EWSR1: variants seen among roughly 807,000 people sequenced by gnomAD.
The protein encoded by EWSR1 is EWS RNA binding protein 1.
Under a neutral mutation model 92.1 loss-of-function variants are expected in EWSR1, and 14 were observed. That is an observed-to-expected ratio of 0.15 (90% CI 0.10 to 0.24). The LOEUF (loss-of-function observed/expected upper bound fraction) is 0.24. EWSR1 is among the 10% of genes least tolerant of loss of function. The pLI is 1.00. For synonymous variants in EWSR1, 303 were observed against 292.9 expected, an observed-to-expected ratio of 1.03 and a Z score of -0.35; for missense variants, 637 against 870.9, an observed-to-expected ratio of 0.73 and a Z score of 3.38.
intron 9 of EWSR1, 86 bp downstream of exon 9, chr22:29,291,685 T>TGG (rs1157377042): frequency 7.7e-7 from 1 of 1,293,828 alleles, no homozygotes; most frequent in Non-Finnish European, 1.1e-6. Context: ...ATTAGTTTCA[T>TGG]AAGTGGTTTA....
At chr22:29,295,705 ATACAAGGTAGCTCC>A (rs144839732) in intron 11 of EWSR1, 4,191 of 224,404 alleles carry the variant, frequency 0.019, 170 homozygotes, top group African/African-American at 0.088. Context: ...AGATATTCTT[ATACAAGGTAGCTCC>A]TGAATTCAAG....
chr22:29,296,592 A>C (rs758978884), intron 12 of EWSR1, among the ~76,000 whole-genome samples: 1 of 152,226 alleles, frequency 6.6e-6, no homozygotes, highest in Admixed American at 6.5e-5. Flanking sequence ...TAAAGTGGCA[A>C]ACACTTCCTA....
chr22:29,273,126 C>T (rs1180730371), intron 3 of EWSR1, among the ~76,000 whole-genome samples: 2 of 152,150 alleles, frequency 1.3e-5, no homozygotes, highest in Non-Finnish European at 1.5e-5. Flanking sequence ...CTCTTCCTTG[C>T]CTGATTTTAA....
At chr22:29,291,626 A>G in intron 9 of EWSR1, 27 bp downstream of exon 9, 1 of 1,592,518 alleles carries the variant, frequency 6.3e-7, no homozygotes, top group South Asian at 1.2e-5. Context: ...TACCATAGAT[A>G]GTGTTTAAAA....
At chr22:29,273,573 A>G (rs566572852) in intron 3 of EWSR1, among the ~76,000 whole-genome samples, 168 bp from the exon 4 acceptor site, 18 of 152,310 alleles carry the variant, frequency 1.2e-4, no homozygotes, top group Middle Eastern at 3.4e-3. Context: ...ATAAGGGATA[A>G]CATTCATGAT....
At chr22:29,269,661 A>T (rs887051552) in intron 1 of EWSR1, 1 of 152,220 alleles carries the variant, frequency 6.6e-6, no homozygotes, top group African/African-American at 2.4e-5. Flanking sequence ...GTCAATAAAC[A>T]GGTAAGTGTT....
Position 29,272,260 on chromosome 22 carries a change from A to G in EWSR1, c.50+8A>G. The G allele has an allele frequency of 6.2e-7, 1 of 1,614,046 alleles. No individual in the cohort carries two copies. The highest frequency in any genetic ancestry group is 8.5e-7 in the Non-Finnish European group (1 of 1,179,914). On this transcript the variant is annotated splice_region_variant and intron_variant, in intron 2 of 16. Transcript: ENST00000397938. ...AGCTGCAGCGCAGCAGGGGTAAGTC[A>G]GTCTTTTATAACCGTATTTTGTGTG...
rs978710691 is a variant in EWSR1, at chr22:29,274,151, TACTG to T, written c.226+289_226+292del. ...ATGTAAAAGATTTTGCTAATGCTAA[TACTG>T]AGTAAGAATGAGTCTTCTTAAATTG... is the stretch of plus-strand genomic sequence containing the variant. On this transcript the variant is annotated intron_variant, in intron 4 of 16. Transcript: ENST00000397938. 64 of 1,155,258 alleles carry T rather than the reference TACTG, an allele frequency of 5.5e-5. No homozygotes were observed. The African/African-American group carries it at 7.4e-4, about 13-fold the overall frequency. 71.6% of individuals were successfully genotyped at this position (1,155,258 alleles called of 1,614,324 possible). A position where few individuals can be genotyped will look rare whatever the true frequency, so the allele number is the denominator to read the frequency against.
chr22:29,268,378 G>A (rs202208272), intron 1 of EWSR1, 29 bp downstream of exon 1: 4 of 1,613,814 alleles, frequency 2.5e-6, no homozygotes, highest in Admixed American at 3.3e-5. Context: ...CGGTCGCGCC[G>A]GCGGTAGCCG....
intron 12 of EWSR1, 132 bp from the exon 13 acceptor site, chr22:29,297,695 C>A: frequency 7.8e-7 from 1 of 1,287,132 alleles, no homozygotes; most frequent in Non-Finnish European, 1.1e-6. Context: ...CTTTTTCTGG[C>A]CTTGTCATTA....
intron 1 of EWSR1, 23 bp from the exon 2 acceptor site, chr22:29,272,193 T>G (rs1487706373): frequency 4.3e-6 from 7 of 1,611,914 alleles, no homozygotes; most frequent in Admixed American, 1.7e-5. Context: ...TTTACACTAT[T>G]TTTCCTCCTT....
intron 1 of EWSR1, among the ~76,000 whole-genome samples, chr22:29,271,514 C>G (rs566042196): frequency 2.4e-4 from 36 of 152,166 alleles, no homozygotes; most frequent in Non-Finnish European, 3.7e-4. Context: ...ATGGTGTTAC[C>G]AAATTTTTCC....
At chr22:29,280,773 A>G (rs2059503695) in intron 5 of EWSR1, among the ~76,000 whole-genome samples, 1 of 146,980 alleles carries the variant, frequency 6.8e-6, no homozygotes, top group Admixed American at 6.9e-5. Flanking sequence ...TCCGGGGTTC[A>G]AGTGATTCTC....
intron 7 of EWSR1, 78 bp from the exon 8 acceptor site, chr22:29,288,528 T>C (rs2060219989): frequency 7.1e-7 from 1 of 1,409,204 alleles, no homozygotes; most frequent in African/African-American, 1.4e-5. Flanking sequence ...ATTGAGGATT[T>C]TGTGATTCCA....
chr22:29,274,699 G>C (rs2058964439), intron 4 of EWSR1, among the ~76,000 whole-genome samples: 1 of 152,036 alleles, frequency 6.6e-6, no homozygotes, highest in Admixed American at 6.5e-5. Context: ...TGTTTTAAGT[G>C]TTATGAATTA....
At chr22:29,293,080 G>T (rs557787094) in intron 11 of EWSR1, among the ~76,000 whole-genome samples, 4 of 152,016 alleles carry the variant, frequency 2.6e-5, no homozygotes, top group Non-Finnish European at 5.9e-5. Context: ...GGGACAGAGT[G>T]TTGCTCAATC....
intron 8 of EWSR1, chr22:29,290,853 C>A: frequency 3.5e-6 from 1 of 284,188 alleles, no homozygotes; most frequent in Non-Finnish European, 6.2e-6. Flanking sequence ...AAATCTAACC[C>A]AAAAAGTCCA....
At chr22:29,297,129 T>C (rs1013884192) in intron 12 of EWSR1, among the ~76,000 whole-genome samples, 1 of 152,168 alleles carries the variant, frequency 6.6e-6, no homozygotes, top group African/African-American at 2.4e-5. Context: ...TTTTCCTCCT[T>C]ATGGTAGACA....
At position 29,299,870 on chromosome 22, in the gene EWSR1, C is replaced by A; in HGVS notation, c.1931+19C>A. 3 of 1,531,310 alleles carry A rather than the reference C, an allele frequency of 2.0e-6. No individual in the cohort carries two copies. Among genetic ancestry groups the A allele is most frequent in the South Asian group, 1.3e-5 (1 of 79,338 alleles). 94.9% of individuals were successfully genotyped at this position (1,531,310 alleles called of 1,614,324 possible). On this transcript the variant is annotated intron_variant, in intron 16 of 16. Coordinates refer to ENST00000397938, the MANE Select transcript of EWSR1 (RefSeq NM_005243.4). ...TGGATAAGTAAGTGCTGGTGAAAAGCAGCTGTGGGCCGCCAGGCACAGTAA... is the reference window on the plus strand; with the variant it reads ...TGGATAAGTAAGTGCTGGTGAAAAGAAGCTGTGGGCCGCCAGGCACAGTAA...
Sources: allele counts gnomAD v4.1 joint callset (sites outside exome capture counted in the v4.1 genomes callset), GRCh38; gene constraint gnomAD v4.1.1; transcripts MANE v1.5; gene names NCBI Gene and HGNC (gene_info 2026-07-23, HGNC 2026-07-21).